Variants in PCDH15 observed in about 807,000 individuals in gnomAD.
PCDH15 encodes protocadherin related 15.
In PCDH15, 129 loss-of-function variants were observed where a neutral mutation model predicts 178.5. That is an observed-to-expected ratio of 0.72 (90% CI 0.63 to 0.84). The LOEUF is 0.84. Among genes scored for constraint, PCDH15 ranks in the 40% least tolerant of loss-of-function variants. The probability of loss-of-function intolerance (pLI) is 0.00; values close to 1 mark genes in which losing one functional copy is unlikely to be tolerated. For synonymous variants in PCDH15, 800 were observed against 732.0 expected, an observed-to-expected ratio of 1.09 and a Z score of -1.50; for missense variants, 2,230 against 2,099.9, an observed-to-expected ratio of 1.06 and a Z score of -1.21.
intron 1 of PCDH15, among the ~76,000 whole-genome samples, chr10:55,205,622 T>C (rs1425144600): frequency 6.6e-6 from 1 of 152,042 alleles, no homozygotes; most frequent in Non-Finnish European, 1.5e-5. Flanking sequence ...ATTATTGCTT[T>C]CAAAATTTGT....
At chr10:54,951,880 T>G (rs1018925104) in intron 2 of PCDH15, among the ~76,000 whole-genome samples, 1 of 151,858 alleles carries the variant, frequency 6.6e-6, no homozygotes, top group Admixed American at 6.6e-5. Context: ...TTTTGTCCAT[T>G]AGGAATTGTT....
intron 2 of PCDH15, among the ~76,000 whole-genome samples, chr10:55,025,724 AAG>A (rs1471521611): frequency 6.6e-6 from 1 of 151,992 alleles, no homozygotes; most frequent in African/African-American, 2.4e-5. Context: ...ACTTGTATAG[AAG>A]AGTTACATAA....
chr10:54,718,046 A>G (rs1370389965), intron 1 of PCDH15, among the ~76,000 whole-genome samples: 1 of 149,628 alleles, frequency 6.7e-6, no homozygotes, highest in African/African-American at 2.5e-5. Context: ...TCACTCATAG[A>G]TGGGAATTGA....
intron 2 of PCDH15, among the ~76,000 whole-genome samples, chr10:55,402,378 A>C (rs187018207): frequency 6.6e-6 from 1 of 152,150 alleles, no homozygotes; most frequent in Admixed American, 6.6e-5. Context: ...GATTATTTCA[A>C]ATCCTCTTTT....
chr10:54,059,520 A>G (rs925344351), intron 18 of PCDH15, among the ~76,000 whole-genome samples: 3 of 152,202 alleles, frequency 2.0e-5, no homozygotes, highest in African/African-American at 7.2e-5. Context: ...TCTTACATAT[A>G]CACATGCGCT....
At chr10:55,398,231 C>G (rs947471590) in intron 2 of PCDH15, among the ~76,000 whole-genome samples, 4 of 151,100 alleles carry the variant, frequency 2.6e-5, no homozygotes, top group Admixed American at 2.6e-4. Flanking sequence ...AAATGAGTGA[C>G]TAGCTCAGCA....
intron 9 of PCDH15, among the ~76,000 whole-genome samples, chr10:54,221,171 C>T (rs1429573056): frequency 1.3e-5 from 2 of 151,986 alleles, no homozygotes; most frequent in Non-Finnish European, 1.5e-5. Flanking sequence ...ATAAATAATA[C>T]GGTGAATTTC....
intron 1 of PCDH15, among the ~76,000 whole-genome samples, chr10:54,712,612 A>C (rs1294792026): frequency 1.3e-5 from 2 of 151,998 alleles, no homozygotes; most frequent in African/African-American, 4.8e-5. Context: ...CCAGCTGGAA[A>C]AAGTGTAGTT....
At chr10:54,731,464 G>A (rs1021543761) in intron 1 of PCDH15, among the ~76,000 whole-genome samples, 2 of 147,986 alleles carry the variant, frequency 1.4e-5, no homozygotes, top group African/African-American at 4.9e-5. Flanking sequence ...TCACTCCCAT[G>A]TTTATTGCAG....
chr10:55,435,342 T>G (rs575070487), intron 2 of PCDH15, among the ~76,000 whole-genome samples: 1 of 152,330 alleles, frequency 6.6e-6, no homozygotes, highest in South Asian at 2.1e-4. Context: ...TTATTTTTAA[T>G]ATACCACAGT....
intron 2 of PCDH15, among the ~76,000 whole-genome samples, chr10:54,576,525 T>C (rs2133701153): frequency 6.6e-6 from 1 of 152,336 alleles, no homozygotes; most frequent in South Asian, 2.1e-4. Flanking sequence ...CTATCCGGTA[T>C]TTGTTTTTGA....
chr10:54,613,492 C>A (rs532422568), intron 2 of PCDH15, among the ~76,000 whole-genome samples: 157 of 144,214 alleles, frequency 1.1e-3, no homozygotes, highest in African/African-American at 4.1e-3. Flanking sequence ...TTGTCTCTCT[C>A]TCACACACAC....
At chr10:54,956,637 A>T (rs1838495461) in intron 2 of PCDH15, among the ~76,000 whole-genome samples, 1 of 151,606 alleles carries the variant, frequency 6.6e-6, no homozygotes, top group South Asian at 2.1e-4. Flanking sequence ...ACAATAATCT[A>T]AGAGATGGAA....
intron 15 of PCDH15, among the ~76,000 whole-genome samples, chr10:54,100,364 CAA>C (rs5785037): frequency 0.04 from 5,096 of 128,512 alleles, 110 homozygotes; most frequent in South Asian, 0.095. Context: ...GACTCCGTCT[CAA>C]AAAAAAAAAA....
chr10:54,444,569 A>T (rs1336331308), intron 3 of PCDH15, among the ~76,000 whole-genome samples: 4 of 151,738 alleles, frequency 2.6e-5, no homozygotes, highest in African/African-American at 9.7e-5. Context: ...GAATAATTTC[A>T]TACAGTTTCA....
intron 1 of PCDH15, among the ~76,000 whole-genome samples, chr10:54,757,276 CTT>C (rs57411772): frequency 2.9e-5 from 1 of 34,180 alleles, no homozygotes; most frequent in East Asian, 5.8e-4. Context: ...AGAATTCTAC[CTT>C]TTTTTTTTTT....
intron 2 of PCDH15, among the ~76,000 whole-genome samples, chr10:54,538,342 C>G (rs902649664): frequency 6.6e-6 from 1 of 151,600 alleles, no homozygotes; most frequent in Non-Finnish European, 1.5e-5. Context: ...AGCCAGTTAA[C>G]TCAGCACCAT....
At chr10:55,622,040 T>A (rs1288036144) in intron 2 of PCDH15, among the ~76,000 whole-genome samples, 1 of 141,204 alleles carries the variant, frequency 7.1e-6, no homozygotes. Context: ...GTATATATAA[T>A]ATATATATAA....
intron 8 of PCDH15, among the ~76,000 whole-genome samples, chr10:54,288,018 G>A (rs1431821439): frequency 6.6e-6 from 1 of 152,048 alleles, no homozygotes; most frequent in Non-Finnish European, 1.5e-5. Flanking sequence ...TGATGATGAT[G>A]ATGATGGGAA....
Sources: gnomAD v4.1 joint callset for allele counts (sites outside exome capture counted in the v4.1 genomes callset) on GRCh38, gnomAD v4.1.1 for gene constraint, MANE v1.5 for transcripts, NCBI Gene and HGNC (gene_info 2026-07-23, HGNC 2026-07-21) for gene names.